NPAS2: variants seen among roughly 807,000 people sequenced by gnomAD.
NPAS2 encodes neuronal PAS domain protein 2, also known as neuronal PAS domain-containing protein 2.
A neutral mutation model predicts 107.5 loss-of-function variants in NPAS2; 23 were observed. The observed-to-expected ratio is 0.21, with a 90% CI of 0.15 to 0.30. NPAS2 has a LOEUF of 0.30. Ranked by LOEUF, NPAS2 falls within the 10% of genes least tolerant of loss-of-function variation. NPAS2 has a pLI of 1.00. For missense variants in NPAS2, 756 were observed against 1,043.3 expected (o/e 0.72, Z 3.79); for synonymous variants, 403 against 417.5 (o/e 0.97, Z 0.42).
intron 13 of NPAS2, 74 bp downstream of exon 13, chr2:100,975,018 G>A (rs1676879302): frequency 2.6e-6 from 4 of 1,538,354 alleles, no homozygotes; most frequent in Non-Finnish European, 3.5e-6. Flanking sequence ...GAGGGTCCCG[G>A]GCCCAAGTGG....
intron 11 of NPAS2, among the ~76,000 whole-genome samples, chr2:100,970,341 T>C (rs1166281342): frequency 6.6e-6 from 1 of 152,064 alleles, no homozygotes; most frequent in Non-Finnish European, 1.5e-5. Context: ...GAGAACAGAG[T>C]GAATGAATCA....
intron 1 of NPAS2, among the ~76,000 whole-genome samples, chr2:100,849,566 CACA>C (rs1278975297): frequency 1.3e-5 from 2 of 152,176 alleles, no homozygotes; most frequent in Non-Finnish European, 2.9e-5. Flanking sequence ...ATATTCTAAT[CACA>C]ACATTACTAT....
Position 100,858,814 on chromosome 2 carries a change from C to T in NPAS2, c.-23+38400C>T, listed in dbSNP as rs191221130. On this transcript the variant is annotated intron_variant, in intron 1 of 20. Coordinates refer to ENST00000335681, the MANE Select transcript of NPAS2 (RefSeq NM_002518.4). ...CATTAAGGGTGATCATGTTACACGTCAGTGTGCACGCCCCGTCCTGTTTAT... is the reference window on the plus strand; with the variant it reads ...CATTAAGGGTGATCATGTTACACGTTAGTGTGCACGCCCCGTCCTGTTTAT... Among the ~76,000 whole-genome samples, 4 of 152,266 alleles carry T rather than the reference C, an allele frequency of 2.6e-5. No homozygotes were observed. The East Asian group carries it at 7.7e-4, about 29-fold the overall frequency.
chr2:100,854,921 G>A (rs1266325289), intron 1 of NPAS2, among the ~76,000 whole-genome samples: 1 of 152,184 alleles, frequency 6.6e-6, no homozygotes, highest in Non-Finnish European at 1.5e-5. Context: ...GAGATGTGCT[G>A]TCAGTGTAAA....
At chr2:100,834,348 G>T (rs1298941319) in intron 1 of NPAS2, among the ~76,000 whole-genome samples, 1 of 152,222 alleles carries the variant, frequency 6.6e-6, no homozygotes, top group East Asian at 1.9e-4. Context: ...TCCACAATCT[G>T]CTCTCTGCCG....
At chr2:100,827,344 G>T (rs1013428379) in intron 1 of NPAS2, among the ~76,000 whole-genome samples, 1 of 152,196 alleles carries the variant, frequency 6.6e-6, no homozygotes, top group Non-Finnish European at 1.5e-5. Context: ...TTCGTACATT[G>T]CATGAGACAG....
chr2:100,965,937 C>T lies in NPAS2; in HGVS notation c.907+171C>T, dbSNP rs1219546949. On this transcript the variant is annotated intron_variant, in intron 10 of 20. Coordinates refer to ENST00000335681, the MANE Select transcript of NPAS2 (RefSeq NM_002518.4). The surrounding 1 kb of genome is among the most constrained non-coding windows in gnomAD (Gnocchi z 4.3). ...GGGGGCATGGTGGAGGCCCCTTATC[C>T]GCGTCTACCCCCATGTCACTGGAAT... Among the ~76,000 whole-genome samples the T allele has an allele frequency of 2.0e-5, 3 of 152,158 alleles. No homozygotes were observed. The highest frequency in any genetic ancestry group is 1.3e-4 in the Admixed American group (2 of 15,278).
chr2:100,885,000 G>A (rs2104658147), intron 1 of NPAS2, among the ~76,000 whole-genome samples: 1 of 151,268 alleles, frequency 6.6e-6, no homozygotes, highest in African/African-American at 2.4e-5. Context: ...CCAGGCTAGA[G>A]CGCAGTGGCA....
At chr2:100,926,979 C>G (rs1683614003) in intron 3 of NPAS2, among the ~76,000 whole-genome samples, 1 of 144,850 alleles carries the variant, frequency 6.9e-6, no homozygotes, top group South Asian at 2.2e-4. Flanking sequence ...TGTTCTGTCA[C>G]CAAGACTGGA....
intron 1 of NPAS2, among the ~76,000 whole-genome samples, chr2:100,856,839 C>T (rs773524562): frequency 6.6e-6 from 1 of 152,166 alleles, no homozygotes; most frequent in Non-Finnish European, 1.5e-5. Flanking sequence ...TGCACCCTGA[C>T]CTTTTCAGAT....
In NPAS2 at chr2:100,969,177, C is replaced by CTT. The variant is rs544361522; in HGVS notation, c.1055+763_1055+764dup. ...AAAGTTGGAAGGACAGCATGCCTTT[C>CTT]TTTTTTTTTTTTTTTAAACTTTAAG... On this transcript the variant is annotated intron_variant, in intron 11 of 20. Transcript: ENST00000335681. Among the ~76,000 whole-genome samples the CTT allele has an allele frequency of 5.7e-5, 8 of 140,990 alleles. No individual in the cohort carries two copies. In the East Asian group the frequency reaches 1.4e-3, roughly 25 times the overall value. 92.5% of individuals were successfully genotyped at this position (140,990 alleles called of 152,430 possible).
At chr2:100,909,377 C>G (rs1682381463) in intron 2 of NPAS2, among the ~76,000 whole-genome samples, 1 of 152,232 alleles carries the variant, frequency 6.6e-6, no homozygotes, top group East Asian at 1.9e-4. Context: ...CAGCCAATTG[C>G]TCTTTCAGGG....
intron 10 of NPAS2, among the ~76,000 whole-genome samples, chr2:100,967,940 A>G (rs1451205399): frequency 6.6e-6 from 1 of 151,800 alleles, no homozygotes; most frequent in Non-Finnish European, 1.5e-5. Flanking sequence ...GCAGCTCCAA[A>G]GACAGCTCTG....
At chr2:100,970,224 C>T (rs891227141) in intron 11 of NPAS2, among the ~76,000 whole-genome samples, 2 of 152,204 alleles carry the variant, frequency 1.3e-5, no homozygotes, top group African/African-American at 2.4e-5. Flanking sequence ...CCAGGGAAGG[C>T]TGGGCAGCAC....
chr2:100,878,559 A>C lies in NPAS2; in HGVS notation c.-22-26174A>C, dbSNP rs1056217656. Reference sequence around the variant, plus strand: ...AAAGGAACACCTGGTTTTAACCGTCAACTGAAATGGCCGTGTGTGGTACAT... The same window carrying C: ...AAAGGAACACCTGGTTTTAACCGTCCACTGAAATGGCCGTGTGTGGTACAT... On this transcript the variant is annotated intron_variant, in intron 1 of 20. Transcript: ENST00000335681. The C allele has an allele frequency of 4.1e-6, 4 of 985,312 alleles. No homozygotes were observed. In the African/African-American group the frequency reaches 7.0e-5, roughly 17 times the overall value. 61.0% of individuals were successfully genotyped at this position (985,312 alleles called of 1,614,324 possible). A position where few individuals can be genotyped will look rare whatever the true frequency, so the allele number is the denominator to read the frequency against.
chr2:100,915,902 G>A (rs555406337), intron 2 of NPAS2, among the ~76,000 whole-genome samples: 5 of 152,214 alleles, frequency 3.3e-5, no homozygotes, highest in African/African-American at 9.6e-5. Flanking sequence ...ATCTGATAGG[G>A]TATATTTAGT....
At chr2:100,961,695 G>C (rs17025062) in intron 7 of NPAS2, among the ~76,000 whole-genome samples, 6 of 152,126 alleles carry the variant, frequency 3.9e-5, no homozygotes, top group Admixed American at 3.9e-4. Flanking sequence ...TGCTGCCCTC[G>C]AAGAAGCAAC....
In NPAS2 at chr2:100,971,041, G is replaced by A; in HGVS notation, c.1107G>A (p.Pro369=). Residue 369 remains proline (P), a synonymous_variant, in exon 12 of 21, where the codon CCG becomes CCA. Coordinates refer to ENST00000335681, the MANE Select transcript of NPAS2 (RefSeq NM_002518.4). ...GGCAGGAGCTGGCTCTGGAAGACCC[G>A]CCATCCGAGGCCCTCCACTCCTCAG... ...ERRQELALED[P]PSEALHSSAL... is the part of the protein sequence containing the mutation. 3 of 1,614,100 alleles carry A rather than the reference G, an allele frequency of 1.9e-6. No homozygotes were observed. The highest frequency in any genetic ancestry group is 2.5e-6 in the Non-Finnish European group (3 of 1,179,998).
intron 1 of NPAS2, among the ~76,000 whole-genome samples, chr2:100,876,375 G>A (rs556833717): frequency 2.3e-4 from 35 of 152,194 alleles, no homozygotes; most frequent in Non-Finnish European, 4.4e-4. Context: ...CATCACCCTC[G>A]TGACTGTCAG....
Sources: allele counts gnomAD v4.1 joint callset (sites outside exome capture counted in the v4.1 genomes callset), GRCh38; gene constraint gnomAD v4.1.1; non-coding constraint Gnocchi (gnomAD v3.1); transcripts MANE v1.5; gene names NCBI Gene and HGNC (gene_info 2026-07-23, HGNC 2026-07-21).